Variants in LAIR1 observed in about 807,000 individuals in gnomAD.
LAIR1 encodes leukocyte associated immunoglobulin like receptor 1.
LAIR1 carries 24 observed loss-of-function variants against 32.8 expected under a neutral mutation model. The observed-to-expected ratio is 0.73, with a 90% CI of 0.53 to 1.03. The LOEUF (loss-of-function observed/expected upper bound fraction) is 1.03, where lower values mean the gene tolerates loss of function less well. LAIR1 is among the 50% of genes least tolerant of loss of function. The probability of loss-of-function intolerance (pLI) is 0.00; values close to 1 mark genes in which losing one functional copy is unlikely to be tolerated. For missense variants in LAIR1, 355 were observed against 347.5 expected, an observed-to-expected ratio of 1.02 and a Z score of -0.17; for synonymous variants, 150 against 140.5, an observed-to-expected ratio of 1.07 and a Z score of -0.48.
chr19:54,364,975 C>CT (rs2082204967), upstream of LAIR1: 3 of 1,504,152 alleles, frequency 2.0e-6, no homozygotes. The surrounding 1 kb of genome is among the most constrained non-coding windows in gnomAD (Gnocchi z 4.8). Context: ...TCTTTCCACC[C>CT]TTCCCACTAG....
chr19:54,355,874 C>T lies in LAIR1; in HGVS notation c.717+80G>A. On this transcript the variant is annotated intron_variant, in intron 9 of 9. Coordinates refer to ENST00000391742, the MANE Select transcript of LAIR1 (RefSeq NM_002287.6). The surrounding 1 kb of genome is among the most constrained non-coding windows in gnomAD (Gnocchi z 4.7). The stretch of plus-strand genomic sequence containing the variant: ...CCGGAACCGCCCAGCTGAGCCACTC[C>T]TGAATTCCTAACCCAAGGAACTGAG... 1 of 1,014,752 alleles carries T rather than the reference C, an allele frequency of 9.9e-7. No homozygotes were observed. The highest frequency in any genetic ancestry group is 1.7e-5 in the Admixed American group (1 of 58,398). The allele number at this position is 1,014,752 out of a possible 1,614,324, so 62.9% of individuals were successfully genotyped here. A position where few individuals can be genotyped will look rare whatever the true frequency, so the allele number is the denominator to read the frequency against.
chr19:54,356,278 A>C lies in LAIR1; in HGVS notation c.627-11T>G, dbSNP rs376368218. 23 of 1,613,262 alleles carry C rather than the reference A, an allele frequency of 1.4e-5. No individual in the cohort carries two copies. In the African/African-American group the frequency reaches 3.1e-4, roughly 22 times the overall value. On this transcript the variant is annotated splice_polypyrimidine_tract_variant and intron_variant, in intron 7 of 9. Transcript: ENST00000391742. ...ACAGCCAGGTCAGGCCTAAGAGGAA[A>C]AATAAAAGTGAACCTCAGGGGCAGC...
chr19:54,373,999 CAAT>C (rs141351109), upstream of LAIR1, among the ~76,000 whole-genome samples: 1,581 of 152,282 alleles, frequency 0.01, 28 homozygotes, highest in African/African-American at 0.036. Flanking sequence ...AACAGTCACA[CAAT>C]GATGCAACAA....
intron 5 of LAIR1, 105 bp downstream of exon 5, chr19:54,356,823 C>A: frequency 7.0e-7 from 1 of 1,425,696 alleles, no homozygotes; most frequent in Non-Finnish European, 9.7e-7. Context: ...GGGACACAGA[C>A]TGCCATTGGC....
chr19:54,368,000 C>G (rs2082307874), upstream of LAIR1, among the ~76,000 whole-genome samples: 2 of 151,794 alleles, frequency 1.3e-5, no homozygotes, highest in African/African-American at 4.8e-5. Context: ...TCTCGATCTC[C>G]TGACCTCATG....
At chr19:54,359,619 G>T (rs1383588186) in intron 4 of LAIR1, among the ~76,000 whole-genome samples, 4 of 152,264 alleles carry the variant, frequency 2.6e-5, no homozygotes, top group Non-Finnish European at 4.4e-5. Flanking sequence ...AGGGGGCAGC[G>T]TGGAGCTCGG....
At position 54,354,942 on chromosome 19, in the gene LAIR1, G is replaced by A. The variant is rs976836564; in HGVS notation, c.*326C>T. On this transcript the variant is annotated 3_prime_UTR_variant, in exon 10 of 10. Coordinates refer to ENST00000391742, the MANE Select transcript of LAIR1 (RefSeq NM_002287.6). ...TGTAGCTGGGCCTTTAGAACAGGCAGGTGACTTTAGCTGGGTCTCTGGAAA... is the reference window on the plus strand; with the variant it reads ...TGTAGCTGGGCCTTTAGAACAGGCAAGTGACTTTAGCTGGGTCTCTGGAAA... 3.6e-6 allele frequency: 1 copy of A among 274,076 alleles called. No individual in the cohort carries two copies. The highest frequency in any genetic ancestry group is 6.8e-6 in the Non-Finnish European group (1 of 146,868). 17.0% of individuals were successfully genotyped at this position (274,076 alleles called of 1,614,324 possible).
At position 54,353,905 on chromosome 19, in the gene LAIR1, T is replaced by G; in HGVS notation, c.*1363A>C. On this transcript the variant is annotated 3_prime_UTR_variant, in exon 10 of 10. Coordinates refer to ENST00000391742, the MANE Select transcript of LAIR1 (RefSeq NM_002287.6). ...CCACCACCACACCCGGCTAATTTTT[T>G]TGTATTTTTAGTAGAGATGGGGTTT... 1 of 143,250 alleles carries G rather than the reference T, an allele frequency of 7.0e-6. No individual in the cohort carries two copies. Among genetic ancestry groups the G allele is most frequent in the South Asian group, 2.2e-4 (1 of 4,514 alleles). The allele number at this position is 143,250 out of a possible 1,614,324, so 8.9% of individuals were successfully genotyped here. A position where few individuals can be genotyped will look rare whatever the true frequency, so the allele number is the denominator to read the frequency against.
chr19:54,357,133 T>G (rs1171250131), intron 4 of LAIR1, 167 bp from the exon 5 acceptor site: 1 of 603,814 alleles, frequency 1.7e-6, no homozygotes, highest in African/African-American at 1.9e-5. Flanking sequence ...TGATGGAAAC[T>G]TTCTACATCT....
At position 54,351,523 on chromosome 19, in the gene LAIR1, G is replaced by A. The variant is rs578125226; in HGVS notation, c.*3745C>T. 2 of 152,338 alleles carry A rather than the reference G, an allele frequency of 1.3e-5. No individual in the cohort carries two copies. The highest frequency in any genetic ancestry group is 1.3e-4 in the Admixed American group (2 of 15,290). 9.4% of individuals were successfully genotyped at this position (152,338 alleles called of 1,614,324 possible). A position where few individuals can be genotyped will look rare whatever the true frequency, so the allele number is the denominator to read the frequency against. ...GCTTCCCAGATCCTACAAGAAAGGA[G>A]ATTAAGGTGTAGAATTTTACACTCA... On this transcript the variant is annotated 3_prime_UTR_variant, in exon 10 of 10. Coordinates refer to ENST00000391742, the MANE Select transcript of LAIR1 (RefSeq NM_002287.6).
At chr19:54,374,877 T>C (rs1395457768), upstream of LAIR1, among the ~76,000 whole-genome samples, 1 of 151,642 alleles carries the variant, frequency 6.6e-6, no homozygotes. Context: ...AGCCCTTCGG[T>C]ACCCAGCATC....
chr19:54,363,216 C>A lies in LAIR1; in HGVS notation c.70+1079G>T, dbSNP rs565087463. Among the ~76,000 whole-genome samples, 6 of 151,882 alleles carry A rather than the reference C, an allele frequency of 4.0e-5. No individual in the cohort carries two copies. In the South Asian group the frequency reaches 1.3e-3, roughly 32 times the overall value. ...CGGGGAGCCACGGAGGGGAGAGGGG[C>A]TGTCACCTGGGGGTGATGCAGGAAA... is the stretch of plus-strand genomic sequence containing the variant. On this transcript the variant is annotated intron_variant, in intron 2 of 9. Transcript: ENST00000391742.
chr19:54,357,212 A>G, intron 4 of LAIR1: 1 of 548,212 alleles, frequency 1.8e-6, no homozygotes, highest in South Asian at 2.2e-5. Context: ...TGGCATGAGA[A>G]GCTGGCTGCA....
Position 54,364,546 on chromosome 19 carries a change from C to A in LAIR1, c.35-216G>T, listed in dbSNP as rs573510127. On this transcript the variant is annotated intron_variant, in intron 1 of 9. Transcript: ENST00000391742. This position sits in a 1 kb window ranked among gnomAD's most constrained non-coding sequence, Gnocchi z 4.8. ...CCTCCTCCAAAAAGGCTCCTGCTCC[C>A]CCAGCCCTTCTTAAAGCTGACCTCA... is the stretch of plus-strand genomic sequence containing the variant. 47 of 798,264 alleles carry A rather than the reference C, an allele frequency of 5.9e-5. No individual in the cohort carries two copies. The highest frequency in any genetic ancestry group is 8.9e-5 in the Non-Finnish European group (41 of 458,292). The allele number at this position is 798,264 out of a possible 1,614,324, so 49.4% of individuals were successfully genotyped here.
At chr19:54,357,002 G>C (rs1309146467) in intron 4 of LAIR1, 36 bp from the exon 5 acceptor site, 2 of 1,604,482 alleles carry the variant, frequency 1.2e-6, no homozygotes, top group Admixed American at 3.4e-5. Flanking sequence ...AGGAGTTAGA[G>C]TCCTGAGCTG....
chr19:54,374,670 CA>C (rs1159860655), upstream of LAIR1, among the ~76,000 whole-genome samples: 2 of 152,146 alleles, frequency 1.3e-5, no homozygotes, highest in Non-Finnish European at 2.9e-5. Context: ...TCCATCCCAA[CA>C]GAACTCATCA....
Position 54,354,920 on chromosome 19 carries a change from A to G in LAIR1, c.*348T>C, listed in dbSNP as rs2122304688. 4 of 228,416 alleles carry G rather than the reference A, an allele frequency of 1.8e-5. 1 individual carries two copies. In the South Asian group the frequency reaches 6.4e-4, roughly 36 times the overall value. The allele number at this position is 228,416 out of a possible 1,614,324, so 14.1% of individuals were successfully genotyped here. A position where few individuals can be genotyped will look rare whatever the true frequency, so the allele number is the denominator to read the frequency against. ...CTCAGGAAATCGGCTGATTGGCTGT[A>G]GCTGGGCCTTTAGAACAGGCAGGTG... On this transcript the variant is annotated 3_prime_UTR_variant, in exon 10 of 10. Transcript: ENST00000391742.
chr19:54,353,899 A>C lies in LAIR1; in HGVS notation c.*1369T>G, dbSNP rs2081591892. The C allele has an allele frequency of 7.2e-6, 1 of 139,608 alleles. No individual in the cohort carries two copies. Among genetic ancestry groups the C allele is most frequent in the African/African-American group, 2.6e-5 (1 of 38,538 alleles). 8.6% of individuals were successfully genotyped at this position (139,608 alleles called of 1,614,324 possible). A position where few individuals can be genotyped will look rare whatever the true frequency, so the allele number is the denominator to read the frequency against. On this transcript the variant is annotated 3_prime_UTR_variant, in exon 10 of 10. Transcript: ENST00000391742. ...AGGCACCCACCACCACACCCGGCTA[A>C]TTTTTTTGTATTTTTAGTAGAGATG...
chr19:54,367,192 G>A (rs1359034617), upstream of LAIR1, among the ~76,000 whole-genome samples: 1 of 152,188 alleles, frequency 6.6e-6, no homozygotes, highest in East Asian at 1.9e-4. Context: ...TAGTCCAAAC[G>A]TTTCAAAAAC....
Sources: allele counts gnomAD v4.1 joint callset (sites outside exome capture counted in the v4.1 genomes callset), GRCh38; gene constraint gnomAD v4.1.1; non-coding constraint Gnocchi (gnomAD v3.1); transcripts MANE v1.5; gene names NCBI Gene and HGNC (gene_info 2026-07-23, HGNC 2026-07-21).